Variants in TMX3 observed in about 807,000 individuals in gnomAD.
TMX3 encodes the protein thioredoxin related transmembrane protein 3, also known as protein disulfide-isomerase TMX3.
In TMX3, 40 loss-of-function variants were observed where a neutral mutation model predicts 64.4. That is an observed-to-expected ratio of 0.62 (90% CI 0.48 to 0.81). The LOEUF (loss-of-function observed/expected upper bound fraction) is 0.81, where lower values mean the gene tolerates loss of function less well. Ranked by LOEUF, TMX3 falls within the 30% of genes least tolerant of loss-of-function variation. TMX3 has a pLI of 0.00. For missense variants in TMX3, 497 were observed against 534.5 expected, an observed-to-expected ratio of 0.93 and a Z score of 0.69; for synonymous variants, 189 against 175.7, an observed-to-expected ratio of 1.08 and a Z score of -0.60.
intron 4 of TMX3, among the ~76,000 whole-genome samples, chr18:68,708,765 G>A (rs919958033): frequency 2.9e-4 from 44 of 152,190 alleles, no homozygotes; most frequent in African/African-American, 1.0e-3. Context: ...GACCTGGGAA[G>A]CTCTTAACAA....
chr18:68,680,816 T>C (rs1254887970), intron 14 of TMX3, among the ~76,000 whole-genome samples, 165 bp downstream of exon 14: 1 of 152,182 alleles, frequency 6.6e-6, no homozygotes, highest in Non-Finnish European at 1.5e-5. Context: ...TGGGAGAATG[T>C]ACCTCTACTC....
At chr18:68,712,381 G>C (rs773508556) in intron 2 of TMX3, among the ~76,000 whole-genome samples, 3 of 152,156 alleles carry the variant, frequency 2.0e-5, no homozygotes, top group Non-Finnish European at 4.4e-5. Flanking sequence ...TTGTTATGGT[G>C]TCTTCTCACA....
intron 12 of TMX3, among the ~76,000 whole-genome samples, chr18:68,683,412 AAATAT>A (rs1913635267): frequency 6.6e-6 from 1 of 152,288 alleles, no homozygotes; most frequent in Middle Eastern, 3.4e-3. Flanking sequence ...TTCACTAATA[AAATAT>A]ATTTATATTG....
intron 1 of TMX3, 151 bp from the exon 2 acceptor site, chr18:68,714,051 A>G (rs1407454489): frequency 2.3e-6 from 1 of 444,020 alleles, no homozygotes; most frequent in Admixed American, 3.9e-5. Context: ...ATGCAAAAGC[A>G]AAGGTAGTTC....
rs772051718 is a variant in TMX3, at chr18:68,697,914, AT to A, written c.492+17del. On this transcript the variant is annotated intron_variant, in intron 7 of 15. Transcript: ENST00000299608. Reference sequence around the variant, plus strand: ...AATTACAATACATCTGTTTTTGTGGATTAAAAAAAAGTCTTACTTTCAAAGG... The same window carrying A: ...AATTACAATACATCTGTTTTTGTGGATAAAAAAAAGTCTTACTTTCAAAGG... 7.8e-6 allele frequency: 12 copies of A among 1,529,788 alleles called. No homozygotes were observed. Among genetic ancestry groups the A allele is most frequent in the Non-Finnish European group, 1.1e-5 (12 of 1,108,974 alleles). 94.8% of individuals were successfully genotyped at this position (1,529,788 alleles called of 1,614,324 possible). A position where few individuals can be genotyped will look rare whatever the true frequency, so the allele number is the denominator to read the frequency against.
chr18:68,698,127 G>T, intron 6 of TMX3, 96 bp from the exon 7 acceptor site: 2 of 770,540 alleles, frequency 2.6e-6, no homozygotes, highest in Non-Finnish European at 4.2e-6. Flanking sequence ...AAGTTATTAA[G>T]TTTCAATAAT....
intron 5 of TMX3, 104 bp downstream of exon 5, chr18:68,701,641 C>A (rs748820279): frequency 7.4e-5 from 116 of 1,561,190 alleles, no homozygotes; most frequent in Non-Finnish European, 8.6e-5. Flanking sequence ...TGGCCAAACC[C>A]CAATCTTCAA....
intron 5 of TMX3, 85 bp from the exon 6 acceptor site, chr18:68,700,570 A>C (rs2029945457): frequency 9.1e-7 from 1 of 1,095,244 alleles, no homozygotes; most frequent in Non-Finnish European, 1.2e-6. Flanking sequence ...GTTTCATAAA[A>C]TTATATTACA....
At chr18:68,689,171 C>T (rs1430938669) in intron 9 of TMX3, 1 of 152,142 alleles carries the variant, frequency 6.6e-6, no homozygotes, top group Non-Finnish European at 1.5e-5. Context: ...TTTGCTTTGT[C>T]TGAATGTTTC....
At position 68,715,030 on chromosome 18, in the gene TMX3, GAC is replaced by G; in HGVS notation, c.-51_-50del. 1 of 1,552,168 alleles carries G rather than the reference GAC, an allele frequency of 6.4e-7. No individual in the cohort carries two copies. Among genetic ancestry groups the G allele is most frequent in the Non-Finnish European group, 8.7e-7 (1 of 1,148,040 alleles). On this transcript the variant is annotated 5_prime_UTR_variant, in exon 1 of 16. Coordinates refer to ENST00000299608, the MANE Select transcript of TMX3 (RefSeq NM_019022.5). ...GCTGACTGTGCAAAAGAGGGATAAA[GAC>G]ACTGGGGTCCGCCGCCTGCCCGCCC...
chr18:68,687,125 AAC>A, intron 10 of TMX3: 1 of 984,410 alleles, frequency 1.0e-6, no homozygotes, highest in Non-Finnish European at 1.2e-6. Context: ...AAATTTATAA[AAC>A]ACTTTCTCCT....
chr18:68,699,066 C>T (rs1055240471), intron 6 of TMX3, among the ~76,000 whole-genome samples: 2 of 151,496 alleles, frequency 1.3e-5, no homozygotes, highest in Admixed American at 1.3e-4. Flanking sequence ...TCATCTTTTA[C>T]ATATGGTGTG....
rs1474872664 is a variant in TMX3 at position 68,675,809 on chromosome 18, A to G, written c.*1124T>C. 5 of 152,206 alleles carry G rather than the reference A, an allele frequency of 3.3e-5. No individual in the cohort carries two copies. The highest frequency in any genetic ancestry group is 9.6e-5 in the African/African-American group (4 of 41,454). The allele number at this position is 152,206 out of a possible 1,614,324, so 9.4% of individuals were successfully genotyped here. On this transcript the variant is annotated 3_prime_UTR_variant, in exon 16 of 16. Coordinates refer to ENST00000299608, the MANE Select transcript of TMX3 (RefSeq NM_019022.5). The stretch of plus-strand genomic sequence containing the variant: ...ATTAGTTTATAGAAGATGAGAGGTC[A>G]CTTGACGAAATGGGTGACAGAACTA...
intron 2 of TMX3, among the ~76,000 whole-genome samples, chr18:68,713,425 A>G (rs1481008131): frequency 6.6e-6 from 1 of 152,164 alleles, no homozygotes; most frequent in Non-Finnish European, 1.5e-5. Context: ...CCTATGCCAG[A>G]AAAAGCCTTG....
chr18:68,697,983 C>T lies in TMX3; in HGVS notation c.441G>A (p.Gln147=), dbSNP rs1003996930. The T allele has an allele frequency of 2.5e-6, 4 of 1,612,476 alleles. No individual in the cohort carries two copies. The highest frequency in any genetic ancestry group is 3.3e-5 in the Admixed American group (2 of 60,010). ...LPSQQMFEHM[Q]KRHRVFFVYV... ...AAACGAAAAATACACGGTGTCTCTT[C>T]TGCATATGTTCAAACATTTGTTGAC... The change falls in exon 7 of 16, where the codon CAG becomes CAA. Residue 147 remains glutamine (Q), a synonymous_variant. Transcript: ENST00000299608.
At chr18:68,691,387 A>G (rs763874742) in intron 8 of TMX3, 26 bp from the exon 9 acceptor site, 2 of 1,408,152 alleles carry the variant, frequency 1.4e-6, no homozygotes, top group East Asian at 4.8e-5. Flanking sequence ...AGTTTAAATA[A>G]CTTTTATCAC....
chr18:68,679,315 A>G (rs889387616), intron 15 of TMX3, 148 bp downstream of exon 15: 5 of 486,108 alleles, frequency 1.0e-5, no homozygotes, highest in Admixed American at 8.3e-5. Flanking sequence ...CCTAATGAAT[A>G]TATTTTCTTA....
Position 68,682,941 on chromosome 18 carries a change from T to G in TMX3, c.889A>C (p.Asn297His). ...TTTACTTACTCCATCAGCAAGGTAT[T>G]TATGTAGTCATTTCCATCCATGTGG... Reference protein sequence around the residue: ...FGHMDGNDYINTLLMDELTVP... With the variant: ...FGHMDGNDYIHTLLMDELTVP... Residue 297 changes from asparagine to histidine, a missense_variant, in exon 13 of 16, where the codon AAT (asparagine) becomes CAT (histidine). Physicochemically the swap from Asn to His is moderately conservative, Grantham distance 68. Coordinates refer to ENST00000299608, the MANE Select transcript of TMX3 (RefSeq NM_019022.5). The G allele has an allele frequency of 6.2e-7, 1 of 1,610,300 alleles. No homozygotes were observed. Among genetic ancestry groups the G allele is most frequent in the Non-Finnish European group, 8.5e-7 (1 of 1,177,802 alleles).
intron 10 of TMX3, among the ~76,000 whole-genome samples, chr18:68,685,084 G>C (rs917749453): frequency 1.3e-5 from 2 of 152,188 alleles, no homozygotes; most frequent in African/African-American, 2.4e-5. Flanking sequence ...GTAATAACCA[G>C]AAGAGTGGTG....
Sources: allele counts gnomAD v4.1 joint callset (sites outside exome capture counted in the v4.1 genomes callset), GRCh38; gene constraint gnomAD v4.1.1; transcripts MANE v1.5; gene names NCBI Gene and HGNC (gene_info 2026-07-23, HGNC 2026-07-21).